Variants in BARD1 observed in about 807,000 individuals in gnomAD.
BARD1 encodes BRCA1-associated RING domain protein 1.
BARD1 carries 73 observed loss-of-function variants against 77.0 expected under a neutral mutation model. The ratio of observed to expected loss-of-function variants is 0.95; its 90% CI spans 0.79 to 1.15. BARD1 has a LOEUF of 1.15. BARD1 is among the 50% of genes most tolerant of loss of function. The pLI, the probability that BARD1 is intolerant of heterozygous loss-of-function variation, is 0.00. For synonymous variants in BARD1, 384 were observed against 338.0 expected (o/e 1.14, Z -1.49); for missense variants, 993 against 938.8 (o/e 1.06, Z -0.75).
At chr2:214,756,895 T>C (rs1369693138) in intron 6 of BARD1, among the ~76,000 whole-genome samples, 1 of 152,160 alleles carries the variant, frequency 6.6e-6, no homozygotes. Flanking sequence ...GCTCGGGTGA[T>C]GGGTACACCA....
At chr2:214,741,474 T>C (rs1481386495) in intron 9 of BARD1, among the ~76,000 whole-genome samples, 1 of 152,180 alleles carries the variant, frequency 6.6e-6, no homozygotes, top group African/African-American at 2.4e-5. Context: ...TTTCATCTTA[T>C]TCATACTCTA....
intron 7 of BARD1, among the ~76,000 whole-genome samples, chr2:214,746,924 C>A (rs573311576): frequency 0.027 from 4,101 of 152,140 alleles, 185 homozygotes; most frequent in African/African-American, 0.093. Context: ...AGGCAACCTA[C>A]AGAATGGGAG....
At chr2:214,785,636 G>A (rs1309433267) in intron 3 of BARD1, among the ~76,000 whole-genome samples, 2 of 151,772 alleles carry the variant, frequency 1.3e-5, no homozygotes, top group South Asian at 2.1e-4. Context: ...ACAAAAAGAA[G>A]GAAGGAGTCC....
At position 214,797,048 on chromosome 2, in the gene BARD1, C is replaced by T. The variant is rs886055601; in HGVS notation, c.215+13G>A. Reference sequence around the variant, plus strand: ...TACAGTTGTACTATATACATCAAACCGTAATTACTTACCTACAGAAGATGT... The same window carrying T: ...TACAGTTGTACTATATACATCAAACTGTAATTACTTACCTACAGAAGATGT... On this transcript the variant is annotated intron_variant, in intron 2 of 10. Transcript: ENST00000260947. 7 of 1,597,744 alleles carry T rather than the reference C, an allele frequency of 4.4e-6. No homozygotes were observed. Among genetic ancestry groups the T allele is most frequent in the East Asian group, 2.2e-5 (1 of 44,700 alleles).
At chr2:214,750,454 A>G (rs1286223470) in intron 7 of BARD1, among the ~76,000 whole-genome samples, 1 of 152,280 alleles carries the variant, frequency 6.6e-6, no homozygotes, top group East Asian at 1.9e-4. Flanking sequence ...AGTAAATGCT[A>G]TAGTTTCTCA....
At chr2:214,731,173 T>A in intron 9 of BARD1, 1 of 222,270 alleles carries the variant, frequency 4.5e-6, no homozygotes, top group Non-Finnish European at 9.2e-6. Context: ...CTTGAGTAAG[T>A]CTGTTCACAG....
At chr2:214,751,288 G>C (rs1299269965) in intron 7 of BARD1, among the ~76,000 whole-genome samples, 1 of 146,058 alleles carries the variant, frequency 6.8e-6, no homozygotes, top group Non-Finnish European at 1.5e-5. Context: ...CTCCCTAGTA[G>C]CTGGGACTAC....
intron 1 of BARD1, among the ~76,000 whole-genome samples, chr2:214,802,293 A>C (rs911899105): frequency 1.3e-5 from 2 of 152,140 alleles, no homozygotes; most frequent in Admixed American, 6.6e-5. Flanking sequence ...GCTATTAAAC[A>C]CTTTATTATA....
intron 6 of BARD1, among the ~76,000 whole-genome samples, chr2:214,754,019 C>T (rs1206635831): frequency 6.6e-6 from 1 of 152,134 alleles, no homozygotes; most frequent in African/African-American, 2.4e-5. Flanking sequence ...ACATTTACAG[C>T]AGACAATCTC....
rs371785856 is a variant in BARD1, at chr2:214,767,517, C to T, written c.1533G>A (p.Lys511=). The T allele has an allele frequency of 9.3e-6, 15 of 1,613,832 alleles. No homozygotes were observed. Among genetic ancestry groups the T allele is most frequent in the Non-Finnish European group, 1.3e-5 (15 of 1,179,886 alleles). Residue 511 remains lysine (K), a synonymous_variant, in exon 6 of 11, where the codon AAG becomes AAA. Transcript: ENST00000260947. ...TGGAGGCTCCATAGGAAAGTAACAG[C>T]TTGACTATATCCACATGCCCATTCT... ...AAKNGHVDIV[K]LLLSYGASRN...
At chr2:214,807,815 G>T (rs1696345900) in intron 1 of BARD1, among the ~76,000 whole-genome samples, 1 of 152,222 alleles carries the variant, frequency 6.6e-6, no homozygotes, top group Non-Finnish European at 1.5e-5. Flanking sequence ...CAGTCTAAGT[G>T]AAGCCCGATG....
intron 1 of BARD1, among the ~76,000 whole-genome samples, chr2:214,797,859 CAA>C (rs1290905175): frequency 6.6e-6 from 1 of 152,158 alleles, no homozygotes; most frequent in African/African-American, 2.4e-5. Flanking sequence ...AGTGAGTGAG[CAA>C]AGAGACACAG....
At chr2:214,778,231 A>G (rs1016075381) in intron 4 of BARD1, among the ~76,000 whole-genome samples, 2 of 137,796 alleles carry the variant, frequency 1.5e-5, no homozygotes, top group South Asian at 4.9e-4. Flanking sequence ...AGAAAAAAAT[A>G]TATAAATATA....
chr2:214,779,794 A>C (rs1328176572), intron 4 of BARD1, among the ~76,000 whole-genome samples: 1 of 152,164 alleles, frequency 6.6e-6, no homozygotes, highest in Non-Finnish European at 1.5e-5. Flanking sequence ...AAGCTATCCT[A>C]ATTTAGTACT....
At chr2:214,759,949 A>G (rs990726318) in intron 6 of BARD1, among the ~76,000 whole-genome samples, 27 of 152,164 alleles carry the variant, frequency 1.8e-4, no homozygotes, top group Non-Finnish European at 2.9e-5. Flanking sequence ...CCAATATTCA[A>G]TAGGACGCTT....
chr2:214,787,758 T>C (rs1308726123), intron 3 of BARD1, among the ~76,000 whole-genome samples: 3 of 152,012 alleles, frequency 2.0e-5, no homozygotes, highest in Non-Finnish European at 4.4e-5. Flanking sequence ...TACAATTTAA[T>C]AATCAACTAT....
rs1004858600 is a variant in BARD1, at chr2:214,801,052, T to A, written c.159-3935A>T. 2.6e-5 allele frequency among the ~76,000 whole-genome samples: 4 copies of A among 152,208 alleles called. No homozygotes were observed. In the East Asian group the frequency reaches 5.8e-4, roughly 22 times the overall value. ...GTAAAACTAAAAAAAAGACAAAAGA[T>A]GTTTCTGATGCATAGAACTCAGGGG... is the stretch of plus-strand genomic sequence containing the variant. On this transcript the variant is annotated intron_variant, in intron 1 of 10. Transcript: ENST00000260947.
intron 9 of BARD1, among the ~76,000 whole-genome samples, chr2:214,738,887 G>T (rs1307785408): frequency 6.6e-6 from 1 of 152,176 alleles, no homozygotes; most frequent in Non-Finnish European, 1.5e-5. Flanking sequence ...GCTCGCACTT[G>T]TAATGCTAGC....
intron 3 of BARD1, among the ~76,000 whole-genome samples, chr2:214,790,326 G>C (rs1695459115): frequency 6.6e-6 from 1 of 152,114 alleles, no homozygotes; most frequent in Admixed American, 6.5e-5. Flanking sequence ...ACTTTACTTG[G>C]AAATAAGGTC....
Sources: gnomAD v4.1 joint callset for allele counts (sites outside exome capture counted in the v4.1 genomes callset) on GRCh38, gnomAD v4.1.1 for gene constraint, MANE v1.5 for transcripts, NCBI Gene and HGNC (gene_info 2026-07-23, HGNC 2026-07-21) for gene names.